The following PTPRG variants were observed in gnomAD, a reference collection of about 807,000 sequenced individuals.
PTPRG encodes the protein protein tyrosine phosphatase receptor type G.
In PTPRG, 102 loss-of-function variants were observed where a neutral mutation model predicts 165.3. That is an observed-to-expected ratio of 0.62 (90% CI 0.53 to 0.73). The LOEUF (loss-of-function observed/expected upper bound fraction) is 0.73. Among genes scored for constraint, PTPRG ranks in the 30% least tolerant of loss-of-function variants. The probability of loss-of-function intolerance (pLI) is 0.00; values close to 1 mark genes in which losing one functional copy is unlikely to be tolerated. For synonymous variants in PTPRG, 675 were observed against 669.5 expected (o/e 1.01, Z -0.13); for missense variants, 1,866 against 1,861.4 (o/e 1.00, Z -0.05).
At chr3:61,859,073 T>G (rs1361768789) in intron 2 of PTPRG, among the ~76,000 whole-genome samples, 1 of 152,184 alleles carries the variant, frequency 6.6e-6, no homozygotes, top group African/African-American at 2.4e-5. Flanking sequence ...GGAGTTGATT[T>G]TTTTAAGACT....
intron 1 of PTPRG, among the ~76,000 whole-genome samples, chr3:61,746,050 CTTTTT>C (rs10618160): frequency 1.1e-4 from 15 of 130,802 alleles, no homozygotes; most frequent in Admixed American, 1.5e-4. Context: ...TTTTTCTTTT[CTTTTT>C]TTTTTTTTTT....
In PTPRG at chr3:62,273,680, ATGTAT is replaced by A; in HGVS notation, c.3319-13_3319-9del. The A allele has an allele frequency of 6.2e-7, 1 of 1,612,450 alleles. No homozygotes were observed. Among genetic ancestry groups the A allele is most frequent in the Non-Finnish European group, 8.5e-7 (1 of 1,178,612 alleles). On this transcript the variant is annotated splice_polypyrimidine_tract_variant and intron_variant, in intron 22 of 29. Transcript: ENST00000474889. The surrounding 1 kb of genome is among the most constrained non-coding windows in gnomAD (Gnocchi z 4.1). Reference sequence around the variant, plus strand: ...CCTTAACACTCCCTCAGTGACTACCATGTATTGTACCTCTTAGGAGCAGTACATTT... The same window carrying A: ...CCTTAACACTCCCTCAGTGACTACCATGTACCTCTTAGGAGCAGTACATTT...
chr3:62,016,442 A>G (rs932780659), intron 4 of PTPRG, among the ~76,000 whole-genome samples: 1 of 152,168 alleles, frequency 6.6e-6, no homozygotes, highest in Non-Finnish European at 1.5e-5. Context: ...CCGGGATTAC[A>G]GGTGTGAGCC....
chr3:62,109,443 TGTAGTCTTGCA>T (rs1559516748), intron 5 of PTPRG, among the ~76,000 whole-genome samples: 2 of 152,242 alleles, frequency 1.3e-5, no homozygotes, highest in Non-Finnish European at 2.9e-5. Context: ...TTTTGGTTAC[TGTAGTCTTGCA>T]GTGTAGTTTG....
intron 2 of PTPRG, among the ~76,000 whole-genome samples, chr3:61,878,830 C>T (rs1272602689): frequency 2.6e-5 from 4 of 152,054 alleles, no homozygotes; most frequent in African/African-American, 9.7e-5. Flanking sequence ...ACAATAGAAC[C>T]GTCCTATATT....
rs1426015980 is a variant in PTPRG at position 61,672,728 on chromosome 3, A to G, written c.86-76150A>G. Reference sequence around the variant, plus strand: ...ACCGTGGAAAGAGAGGGAGAGGGAGACTGTGGGGAGAGGGAGAGGGAGAGG... The same window carrying G: ...ACCGTGGAAAGAGAGGGAGAGGGAGGCTGTGGGGAGAGGGAGAGGGAGAGG... On this transcript the variant is annotated intron_variant, in intron 1 of 29. Coordinates refer to ENST00000474889, the MANE Select transcript of PTPRG (RefSeq NM_002841.4). Among the ~76,000 whole-genome samples the G allele has an allele frequency of 8.7e-3, 1,062 of 122,304 alleles. 9 individuals carry two copies. Among genetic ancestry groups the G allele is most frequent in the Admixed American group, 0.018 (207 of 11,710 alleles). The allele number at this position is 122,304 out of a possible 152,430, so 80.2% of individuals were successfully genotyped here. A position where few individuals can be genotyped will look rare whatever the true frequency, so the allele number is the denominator to read the frequency against.
In PTPRG at chr3:62,195,252, TG is replaced by T; in HGVS notation, c.1327+86del. 8.1e-7 allele frequency: 1 copy of T among 1,241,456 alleles called. No individual in the cohort carries two copies. Among genetic ancestry groups the T allele is most frequent in the Non-Finnish European group, 1.2e-6 (1 of 846,432 alleles). 76.9% of individuals were successfully genotyped at this position (1,241,456 alleles called of 1,614,324 possible). On this transcript the variant is annotated intron_variant, in intron 10 of 29. Transcript: ENST00000474889. The surrounding 1 kb of genome is among the most constrained non-coding windows in gnomAD (Gnocchi z 4.4). ...TTTCTGCTTCTTCCTGCTCAGGTGC[TG>T]GGGAAAAATACAAACAAGCCTGGCA...
intron 4 of PTPRG, among the ~76,000 whole-genome samples, chr3:62,024,104 A>AT (rs1164834962): frequency 6.6e-6 from 1 of 152,046 alleles, no homozygotes; most frequent in South Asian, 2.1e-4. Flanking sequence ...AATTTTAAAT[A>AT]TTTTTTTGAC....
intron 3 of PTPRG, among the ~76,000 whole-genome samples, chr3:61,998,294 C>G (rs2041086890): frequency 6.6e-6 from 1 of 152,106 alleles, no homozygotes; most frequent in Non-Finnish European, 1.5e-5. Context: ...CATGGGGAGC[C>G]CCAGACATAG....
intron 2 of PTPRG, among the ~76,000 whole-genome samples, chr3:61,808,513 C>A (rs1376332872): frequency 6.6e-6 from 1 of 152,144 alleles, no homozygotes; most frequent in Non-Finnish European, 1.5e-5. Flanking sequence ...CTCATCATAA[C>A]CTTCCCAGGC....
rs140190843 is a variant in PTPRG at position 61,976,117 on chromosome 3, A to G, written c.191-13508A>G. Among the ~76,000 whole-genome samples the G allele has an allele frequency of 8.3e-4, 126 of 152,286 alleles. 3 individuals carry two copies. In the East Asian group the frequency reaches 0.022, roughly 27 times the overall value. On this transcript the variant is annotated intron_variant, in intron 2 of 29. Coordinates refer to ENST00000474889, the MANE Select transcript of PTPRG (RefSeq NM_002841.4). ...ACATTTTCAAGTGCAACTGACATGG[A>G]TGCATTTCAGCGAGATCCTTGACAG...
chr3:61,939,966 A>T (rs2039578186), intron 2 of PTPRG, among the ~76,000 whole-genome samples: 5 of 36,996 alleles, frequency 1.4e-4, no homozygotes, highest in South Asian at 9.7e-4. Flanking sequence ...TTTTTTTTTG[A>T]GACAGTCTTG....
In PTPRG at chr3:62,069,684, T is replaced by TCTGTCA. The variant is rs542306888; in HGVS notation, c.520-8478_520-8477insTGTCAC. 6.9e-4 allele frequency among the ~76,000 whole-genome samples: 100 copies of TCTGTCA among 145,068 alleles called. 1 individual carries two copies. In the South Asian group the frequency reaches 8.0e-3, roughly 12 times the overall value. On this transcript the variant is annotated intron_variant, in intron 4 of 29. Transcript: ENST00000474889. The stretch of plus-strand genomic sequence containing the variant: ...CTCTCTCTCTCTCTCTCTCTCTCTC[T>TCTGTCA]CACACACAGACACACGCACACACAC...
Position 61,924,211 on chromosome 3 carries a change from C to T in PTPRG, c.191-65414C>T, listed in dbSNP as rs2039150781. ...GTTGGCCGGCAGTCAGGTGGCCTGT[C>T]CTTCTGTCTGCCAGAATGGTCCTGT... is the stretch of plus-strand genomic sequence containing the variant. On this transcript the variant is annotated intron_variant, in intron 2 of 29. Coordinates refer to ENST00000474889, the MANE Select transcript of PTPRG (RefSeq NM_002841.4). 2.0e-5 allele frequency among the ~76,000 whole-genome samples: 3 copies of T among 152,180 alleles called. No homozygotes were observed. In the South Asian group the frequency reaches 6.2e-4, roughly 32 times the overall value.
intron 4 of PTPRG, among the ~76,000 whole-genome samples, chr3:62,014,064 G>T (rs1304545939): frequency 6.6e-6 from 1 of 152,154 alleles, no homozygotes; most frequent in Non-Finnish European, 1.5e-5. Context: ...GAGCGGGAAG[G>T]TTTCAAGCCA....
At chr3:62,033,045 A>G (rs897515164) in intron 4 of PTPRG, among the ~76,000 whole-genome samples, 1 of 152,208 alleles carries the variant, frequency 6.6e-6, no homozygotes, top group African/African-American at 2.4e-5. Flanking sequence ...TGCCTGTGAC[A>G]TGCTGGTATA....
chr3:61,819,381 T>A (rs2035888390), intron 2 of PTPRG, among the ~76,000 whole-genome samples: 1 of 152,214 alleles, frequency 6.6e-6, no homozygotes, highest in Non-Finnish European at 1.5e-5. Flanking sequence ...GTTCTTTCTC[T>A]TTACATCTAC....
chr3:61,738,279 C>CATAT (rs1169177844), intron 1 of PTPRG, among the ~76,000 whole-genome samples: 22 of 15,496 alleles, frequency 1.4e-3, no homozygotes, highest in South Asian at 0.012. Flanking sequence ...TATATATATA[C>CATAT]ATATATATAT....
At chr3:62,160,863 G>GTTTTTTTTT (rs1704728407) in intron 7 of PTPRG, among the ~76,000 whole-genome samples, 1 of 82,882 alleles carries the variant, frequency 1.2e-5, no homozygotes, top group Non-Finnish European at 2.2e-5. Flanking sequence ...TTAGATGTGT[G>GTTTTTTTTT]ATTTTTTTTT....
Sources: allele counts gnomAD v4.1 joint callset (sites outside exome capture counted in the v4.1 genomes callset), GRCh38; gene constraint gnomAD v4.1.1; non-coding constraint Gnocchi (gnomAD v3.1); transcripts MANE v1.5; gene names NCBI Gene and HGNC (gene_info 2026-07-23, HGNC 2026-07-21).